Variants in PTCH1 observed in about 807,000 individuals in gnomAD.
The protein encoded by PTCH1 is protein patched homolog 1.
In PTCH1, 14 loss-of-function variants were observed where a neutral mutation model predicts 144.6. The observed-to-expected ratio is 0.10, with a 90% confidence interval of 0.06 to 0.15. The LOEUF (loss-of-function observed/expected upper bound fraction) is 0.15, where lower values mean the gene tolerates loss of function less well. Among genes scored for constraint, PTCH1 ranks in the 10% least tolerant of loss-of-function variants. The pLI is 1.00. For synonymous variants in PTCH1, 833 were observed against 793.6 expected (o/e 1.05, Z -0.83); for missense variants, 1,623 against 1,948.3 (o/e 0.83, Z 3.14).
chr9:95,450,768 T>C (rs1262734605), intron 20 of PTCH1: 2 of 152,444 alleles, frequency 1.3e-5, no homozygotes, highest in Non-Finnish European at 2.9e-5. Context: ...CGCAGCACCA[T>C]GGCAGAGGAG....
rs1564046825 is a variant in PTCH1 at position 95,476,091 on chromosome 9, T to C, written c.1671A>G (p.Thr557=). The change falls in exon 12 of 24, where the codon ACA becomes ACG. Residue 557 remains threonine, a synonymous_variant. Transcript: ENST00000331920. The surrounding 1 kb of genome is among the most constrained non-coding windows in gnomAD (Gnocchi z 4.6). The part of the protein sequence containing the change: ...SVALTSISNV[T]AFFMAALIPI... ...GGATTAACGCGGCCATGAAGAAGGCTGTGACATTGCTGATGGACGTGAGGG... is the reference window on the plus strand; with the variant it reads ...GGATTAACGCGGCCATGAAGAAGGCCGTGACATTGCTGATGGACGTGAGGG... 2 of 1,614,002 alleles carry C rather than the reference T, an allele frequency of 1.2e-6. No individual in the cohort carries two copies. The highest frequency in any genetic ancestry group is 1.7e-6 in the Non-Finnish European group (2 of 1,179,950).
At chr9:95,450,479 A>G (rs958623290) in intron 20 of PTCH1, 20 of 166,048 alleles carry the variant, frequency 1.2e-4, no homozygotes, top group Non-Finnish European at 7.8e-5. Flanking sequence ...AGTCTCTAGC[A>G]TATCAGGTAA....
chr9:95,507,886 A>G lies in PTCH1; in HGVS notation c.201+275T>C, dbSNP rs1355620. 418,872 of 1,271,584 alleles carry G rather than the reference A, an allele frequency of 0.33. 71,491 individuals carry two copies. Among genetic ancestry groups the G allele is most frequent in the African/African-American group, 0.5 (32,217 of 64,936 alleles). 78.8% of individuals were successfully genotyped at this position (1,271,584 alleles called of 1,614,324 possible). A position where few individuals can be genotyped will look rare whatever the true frequency, so the allele number is the denominator to read the frequency against. ...CTTTCCAGTGCTCCGGAAAAGGCAC[A>G]CCAGGGAGGGCGTGTGTATACACAC... On this transcript the variant is annotated intron_variant, in intron 1 of 23. Coordinates refer to ENST00000331920, the MANE Select transcript of PTCH1 (RefSeq NM_000264.5).
At chr9:95,477,956 T>C (rs975306823) in intron 9 of PTCH1, 99 bp downstream of exon 9, 6 of 1,582,880 alleles carry the variant, frequency 3.8e-6, no homozygotes, top group Non-Finnish European at 5.2e-6. Flanking sequence ...TGCACATCGA[T>C]GTTAAGAGCA....
At chr9:95,457,912 C>A in intron 18 of PTCH1, 101 bp downstream of exon 18, 1 of 1,470,336 alleles carries the variant, frequency 6.8e-7, no homozygotes, top group South Asian at 1.2e-5. Flanking sequence ...GCAAGCTATA[C>A]CCTCCTCCAG....
At chr9:95,480,366 A>G (rs370142140) in intron 6 of PTCH1, 24 bp downstream of exon 6, 244 of 1,608,988 alleles carry the variant, frequency 1.5e-4, no homozygotes, top group Non-Finnish European at 2.0e-4. Context: ...CACCCTTCTG[A>G]GAGCGCTCAC....
intron 16 of PTCH1, 21 bp downstream of exon 16, chr9:95,461,835 A>G (rs761215241): frequency 1.2e-6 from 2 of 1,613,840 alleles, no homozygotes; most frequent in Admixed American, 1.7e-5. Context: ...AAGCGCCCTC[A>G]GTGCCCAGCA....
chr9:95,489,278 AG>A (rs548974951), intron 2 of PTCH1, among the ~76,000 whole-genome samples: 3 of 152,250 alleles, frequency 2.0e-5, no homozygotes, highest in Non-Finnish European at 4.4e-5. Flanking sequence ...CTTTGAGCTC[AG>A]GAAGTCCCAC....
intron 12 of PTCH1, among the ~76,000 whole-genome samples, chr9:95,472,874 G>A (rs1405988956): frequency 1.3e-5 from 2 of 152,214 alleles, no homozygotes; most frequent in Admixed American, 1.3e-4. Flanking sequence ...AAAGCAAGAA[G>A]GGTTGTCGCA....
chr9:95,473,523 T>C (rs1222016297), intron 12 of PTCH1, among the ~76,000 whole-genome samples: 1 of 151,840 alleles, frequency 6.6e-6, no homozygotes, highest in African/African-American at 2.4e-5. Flanking sequence ...CTCTCTCTTT[T>C]CTTTGCATTT....
At chr9:95,490,884 A>G (rs1016784007) in intron 2 of PTCH1, among the ~76,000 whole-genome samples, 1 of 152,230 alleles carries the variant, frequency 6.6e-6, no homozygotes, top group Non-Finnish European at 1.5e-5. Flanking sequence ...TGTTCTCAAC[A>G]CAAAAAAATG....
upstream of PTCH1, among the ~76,000 whole-genome samples, chr9:95,510,277 C>G (rs1312369651): frequency 1.3e-5 from 2 of 151,880 alleles, no homozygotes; most frequent in Non-Finnish European, 1.5e-5. Context: ...TTTTACAAAA[C>G]TCGGTATGCA....
intron 9 of PTCH1, 145 bp from the exon 10 acceptor site, chr9:95,477,847 A>C: frequency 6.9e-7 from 1 of 1,447,840 alleles, no homozygotes; most frequent in Non-Finnish European, 9.5e-7. Context: ...GGCGTCACAT[A>C]AAATGACAGG....
intron 12 of PTCH1, among the ~76,000 whole-genome samples, chr9:95,470,312 G>A (rs1274858629): frequency 1.3e-5 from 2 of 152,146 alleles, no homozygotes; most frequent in East Asian, 1.9e-4. Flanking sequence ...AAGAGGTCAC[G>A]CGACCCTGAT....
chr9:95,480,676 T>C (rs941746148), intron 5 of PTCH1, 88 bp from the exon 6 acceptor site: 2 of 1,352,578 alleles, frequency 1.5e-6, no homozygotes, highest in African/African-American at 1.4e-5. Flanking sequence ...GCATCCACCT[T>C]GTAGGAGGTT....
Position 95,476,950 on chromosome 9 carries a change from C to T in PTCH1, c.1504-93G>A, listed in dbSNP as rs531841684. 1.7e-6 allele frequency: 2 copies of T among 1,201,606 alleles called. No homozygotes were observed. Among genetic ancestry groups the T allele is most frequent in the Admixed American group, 1.9e-5 (1 of 51,624 alleles). 74.4% of individuals were successfully genotyped at this position (1,201,606 alleles called of 1,614,324 possible). On this transcript the variant is annotated intron_variant, in intron 10 of 23. Coordinates refer to ENST00000331920, the MANE Select transcript of PTCH1 (RefSeq NM_000264.5). This position sits in a 1 kb window ranked among gnomAD's most constrained non-coding sequence, Gnocchi z 4.6. Reference sequence around the variant, plus strand: ...TTAGGACTCTGCCACCAGCACCTAACAGCTCCTGAAGCAGGGCTTCCGTAA... The same window carrying T: ...TTAGGACTCTGCCACCAGCACCTAATAGCTCCTGAAGCAGGGCTTCCGTAA...
intron 19 of PTCH1, among the ~76,000 whole-genome samples, chr9:95,453,981 G>A (rs918029587): frequency 1.3e-5 from 2 of 152,178 alleles, no homozygotes; most frequent in Non-Finnish European, 2.9e-5. Flanking sequence ...ACAGGATTCT[G>A]GCTAATGCAT....
intron 19 of PTCH1, among the ~76,000 whole-genome samples, chr9:95,454,027 ATTGGGTGCTACACACAC>A (rs2136634849): frequency 6.6e-6 from 1 of 152,284 alleles, no homozygotes; most frequent in South Asian, 2.1e-4. Context: ...GTCCCAAGCA[ATTGGGTGCTACACACAC>A]TTCCTCACGA....
chr9:95,478,280 CTTT>C, intron 8 of PTCH1, 94 bp from the exon 9 acceptor site: 1 of 1,570,642 alleles, frequency 6.4e-7, no homozygotes, highest in Non-Finnish European at 8.7e-7. Context: ...CGCAGCCCTT[CTTT>C]TTTTCTGATG....
Sources: allele counts gnomAD v4.1 joint callset (sites outside exome capture counted in the v4.1 genomes callset), GRCh38; gene constraint gnomAD v4.1.1; non-coding constraint Gnocchi (gnomAD v3.1); transcripts MANE v1.5; gene names NCBI Gene and HGNC (gene_info 2026-07-23, HGNC 2026-07-21).